Variants in ABCA13 observed in about 807,000 individuals in gnomAD.
ABCA13 encodes ATP-binding cassette sub-family A member 13.
In ABCA13, 476 loss-of-function variants were observed where a neutral mutation model predicts 478.7. That is an observed-to-expected ratio of 0.99 (90% CI 0.92 to 1.07). The LOEUF (loss-of-function observed/expected upper bound fraction) is 1.07. Among genes scored for constraint, ABCA13 ranks in the 50% least tolerant of loss-of-function variants. ABCA13 has a pLI of 0.00. For missense variants in ABCA13, 6,060 were observed against 5,910.6 expected (o/e 1.03, Z -0.83); for synonymous variants, 2,252 against 2,158.9 (o/e 1.04, Z -1.20).
At chr7:48,249,453 A>G in intron 15 of ABCA13, 102 bp downstream of exon 15, 1 of 1,471,156 alleles carries the variant, frequency 6.8e-7, no homozygotes, top group Non-Finnish European at 9.3e-7. Context: ...AGCGGGGCTT[A>G]AAATGGGTGG....
chr7:48,280,652 A>T (rs1441728071), intron 18 of ABCA13, among the ~76,000 whole-genome samples: 1 of 152,010 alleles, frequency 6.6e-6, no homozygotes, highest in Non-Finnish European at 1.5e-5. Context: ...CCACATGGAG[A>T]TTGGAGATGC....
chr7:48,385,503 C>A (rs907557505), intron 35 of ABCA13, among the ~76,000 whole-genome samples: 1 of 152,162 alleles, frequency 6.6e-6, no homozygotes, highest in African/African-American at 2.4e-5. Flanking sequence ...CTTTTTATGG[C>A]TGCATAGTAG....
At chr7:48,220,637 T>C (rs1787228854) in intron 4 of ABCA13, among the ~76,000 whole-genome samples, 1 of 152,136 alleles carries the variant, frequency 6.6e-6, no homozygotes, top group Admixed American at 6.5e-5. Context: ...GCCTGAAAGC[T>C]GATTTCACAA....
At chr7:48,442,701 T>C (rs1191315409) in intron 42 of ABCA13, among the ~76,000 whole-genome samples, 2 of 152,212 alleles carry the variant, frequency 1.3e-5, no homozygotes, top group African/African-American at 4.8e-5. Context: ...TTATTGGGTT[T>C]CACCCCCAAA....
chr7:48,509,716 G>A (rs1831511933), intron 50 of ABCA13, among the ~76,000 whole-genome samples: 1 of 152,130 alleles, frequency 6.6e-6, no homozygotes, highest in Admixed American at 6.5e-5. Flanking sequence ...GTGGGTCAAG[G>A]TGGGTCCAAG....
intron 59 of ABCA13, among the ~76,000 whole-genome samples, chr7:48,642,024 G>A (rs554705380): frequency 2.0e-5 from 3 of 152,168 alleles, no homozygotes; most frequent in Non-Finnish European, 4.4e-5. Context: ...GTGCATGTCC[G>A]TATGCTTTTA....
intron 6 of ABCA13, among the ~76,000 whole-genome samples, chr7:48,228,924 C>T (rs1302352134): frequency 6.6e-6 from 1 of 152,178 alleles, no homozygotes; most frequent in African/African-American, 2.4e-5. Flanking sequence ...TGAACCATAT[C>T]AGCTTCAGTA....
intron 41 of ABCA13, among the ~76,000 whole-genome samples, chr7:48,420,732 T>C (rs1006194202): frequency 9.6e-4 from 51 of 53,224 alleles, no homozygotes; most frequent in African/African-American, 5.5e-3. Context: ...GGGCTTGATC[T>C]TTTTTTTTTT....
chr7:48,219,302 G>GA (rs1375716769), intron 3 of ABCA13, 52 bp from the exon 4 acceptor site: 8 of 1,544,246 alleles, frequency 5.2e-6, no homozygotes, highest in Non-Finnish European at 6.9e-6. Flanking sequence ...AAATGCCAAG[G>GA]AAACTTATTC....
chr7:48,608,947 T>TTTGTTG (rs561500969), intron 58 of ABCA13, among the ~76,000 whole-genome samples: 1 of 152,124 alleles, frequency 6.6e-6, no homozygotes, highest in South Asian at 2.1e-4. Flanking sequence ...TACCCTGGGA[T>TTTGTTG]TTGTTGTTGT....
chr7:48,484,108 T>C (rs1009582023), intron 47 of ABCA13, among the ~76,000 whole-genome samples: 5 of 152,200 alleles, frequency 3.3e-5, no homozygotes, highest in Non-Finnish European at 5.9e-5. Flanking sequence ...AAGGAGCTTA[T>C]TGGGATAAAG....
chr7:48,637,275 C>A (rs1306195842), intron 59 of ABCA13, among the ~76,000 whole-genome samples: 1 of 150,592 alleles, frequency 6.6e-6, no homozygotes, highest in Non-Finnish European at 1.5e-5. Context: ...CCTCAGGTCT[C>A]ACGCACGAAG....
At chr7:48,596,058 C>T (rs1002241578) in intron 58 of ABCA13, among the ~76,000 whole-genome samples, 6 of 152,206 alleles carry the variant, frequency 3.9e-5, no homozygotes, top group South Asian at 2.1e-4. Flanking sequence ...TATTAGTTTA[C>T]GTAAAAATAC....
In ABCA13 at chr7:48,248,317, G is replaced by C. The variant is rs772153297; in HGVS notation, c.1738G>C (p.Glu580Gln). ...LIPEEYLDWQ[E>Q]LEMQLSEASL... ...ACCTGAAGAATATTTGGACTGGCAG[G>C]AACTTGAGATGCAGCTGTCAGAAGC... is the stretch of plus-strand genomic sequence containing the variant. Residue 580 changes from glutamate (E) to glutamine (Q), a missense_variant, in exon 14 of 62, where the codon GAA becomes CAA. Around this residue, in one of 3 missense-constraint regions of ABCA13, gnomAD observed 4,423 missense variants for 4,309.1 expected, o/e 1.03. Transcript: ENST00000435803. The C allele has an allele frequency of 2.5e-6, 4 of 1,613,900 alleles. No individual in the cohort carries two copies. Among genetic ancestry groups the C allele is most frequent in the African/African-American group, 2.7e-5 (2 of 75,054 alleles).
intron 43 of ABCA13, among the ~76,000 whole-genome samples, chr7:48,462,232 T>C (rs1157714689): frequency 6.6e-6 from 1 of 152,106 alleles, no homozygotes; most frequent in East Asian, 1.9e-4. Flanking sequence ...TATAAGGCAT[T>C]CTGAGGAGAA....
chr7:48,261,764 T>C (rs957118354), intron 15 of ABCA13, among the ~76,000 whole-genome samples: 4 of 151,998 alleles, frequency 2.6e-5, no homozygotes, highest in African/African-American at 9.7e-5. Flanking sequence ...CTACTGGTTT[T>C]TATTTTTTTC....
intron 58 of ABCA13, among the ~76,000 whole-genome samples, chr7:48,604,895 A>G (rs1400267228): frequency 6.6e-6 from 1 of 152,192 alleles, no homozygotes; most frequent in African/African-American, 2.4e-5. Flanking sequence ...AATTTGCTTT[A>G]TGAATCTGGG....
intron 15 of ABCA13, 63 bp downstream of exon 15, chr7:48,249,414 A>T: frequency 6.3e-7 from 1 of 1,593,734 alleles, no homozygotes; most frequent in African/African-American, 1.3e-5. Flanking sequence ...AGGTGACATA[A>T]TTTCCTGAGA....
chr7:48,410,182 T>A (rs1818814492), intron 39 of ABCA13, among the ~76,000 whole-genome samples: 1 of 150,508 alleles, frequency 6.6e-6, no homozygotes. Flanking sequence ...TAATTTATTC[T>A]CTCCGTTCAT....
Sources: allele counts gnomAD v4.1 joint callset (sites outside exome capture counted in the v4.1 genomes callset), GRCh38; gene constraint gnomAD v4.1.1; regional missense constraint gnomAD v4.1.1; transcripts MANE v1.5; gene names NCBI Gene and HGNC (gene_info 2026-07-23, HGNC 2026-07-21).